The following DEK variants were observed in gnomAD, a reference collection of about 807,000 sequenced individuals.
The protein encoded by DEK is DEK proto-oncogene.
A neutral mutation model predicts 46.8 loss-of-function variants in DEK; 28 were observed. The ratio of observed to expected loss-of-function variants is 0.60; its 90% CI spans 0.44 to 0.82. The LOEUF (loss-of-function observed/expected upper bound fraction) is 0.82. Among genes scored for constraint, DEK ranks in the 40% least tolerant of loss-of-function variants. DEK has a pLI of 0.00. For missense variants in DEK, 416 were observed against 430.6 expected (o/e 0.97, Z 0.30); for synonymous variants, 160 against 144.5 (o/e 1.11, Z -0.77).
chr6:18,236,143 T>G (rs1790636973), intron 9 of DEK, among the ~76,000 whole-genome samples: 1 of 152,170 alleles, frequency 6.6e-6, no homozygotes, highest in African/African-American at 2.4e-5. Context: ...TAACATAAAC[T>G]AAGGATACAT....
chr6:18,258,008 T>C lies in DEK; in HGVS notation c.302A>G (p.Lys101Arg). The change falls in exon 4 of 11, where the codon AAG becomes AGG. Residue 101 changes from lysine (K) to arginine (R), a missense_variant. Transcript: ENST00000652689. The part of the protein sequence containing the change: ...IERIHFFLSK[K>R]KTDELRNLHK... ...TAGATTTCTAAGTTCATCGGTTTTC[T>C]TCTTACTTAGAAAAAAATGTATCCT... 1 of 1,612,120 alleles carries C rather than the reference T, an allele frequency of 6.2e-7. No individual in the cohort carries two copies. Among genetic ancestry groups the C allele is most frequent in the Admixed American group, 1.7e-5 (1 of 59,764 alleles).
In DEK at chr6:18,258,000, C is replaced by T. The variant is rs1791675439; in HGVS notation, c.310G>A (p.Asp104Asn). The change falls in exon 4 of 11, where the codon GAT becomes AAT. Residue 104 changes from aspartate to asparagine, a missense_variant. Asp to Asn is a conservative substitution (Grantham distance 23). Transcript: ENST00000652689. The part of the protein sequence containing the change: ...IHFFLSKKKT[D>N]ELRNLHKLLY... ...AGTTTGTGTAGATTTCTAAGTTCAT[C>T]GGTTTTCTTCTTACTTAGAAAAAAA... The T allele has an allele frequency of 6.2e-7, 1 of 1,611,668 alleles. No homozygotes were observed. Among genetic ancestry groups the T allele is most frequent in the Non-Finnish European group, 8.5e-7 (1 of 1,179,224 alleles).
At chr6:18,258,225 G>T in intron 3 of DEK, 79 bp downstream of exon 3, 1 of 1,273,436 alleles carries the variant, frequency 7.9e-7, no homozygotes, top group South Asian at 1.3e-5. Context: ...CTACCTTGCT[G>T]ATACTAAGCT....
intron 4 of DEK, 55 bp from the exon 5 acceptor site, chr6:18,256,510 A>G (rs1791604188): frequency 6.9e-7 from 1 of 1,447,264 alleles, no homozygotes. Context: ...GTACACAAGA[A>G]TAAATTCAAA....
At chr6:18,259,430 A>AAAAAAAAATAAAT (rs1554162685) in intron 2 of DEK, among the ~76,000 whole-genome samples, 7 of 96,844 alleles carry the variant, frequency 7.2e-5, no homozygotes, top group Non-Finnish European at 1.4e-4. Flanking sequence ...AAAAAAAAAA[A>AAAAAAAAATAAAT]AAATCTAGAA....
In DEK at chr6:18,225,381, G is replaced by A. The variant is rs915592834; in HGVS notation, c.*338C>T. On this transcript the variant is annotated 3_prime_UTR_variant, in exon 11 of 11. Transcript: ENST00000652689. ...TAGTTTTTGTTCTACTTGATTAAAA[G>A]TATGCCTTAAGCAAGCTAATATTAA... 3 of 278,110 alleles carry A rather than the reference G, an allele frequency of 1.1e-5. No individual in the cohort carries two copies. The highest frequency in any genetic ancestry group is 2.2e-5 in the African/African-American group (1 of 46,428). 17.2% of individuals were successfully genotyped at this position (278,110 alleles called of 1,614,324 possible).
chr6:18,263,577 C>T (rs925712536), intron 2 of DEK, among the ~76,000 whole-genome samples: 10 of 152,072 alleles, frequency 6.6e-5, no homozygotes, highest in Non-Finnish European at 1.2e-4. Context: ...GAAATGTTAA[C>T]GAACGTTTAG....
At chr6:18,258,172 T>C in intron 3 of DEK, 110 bp from the exon 4 acceptor site, 1 of 1,094,656 alleles carries the variant, frequency 9.1e-7, no homozygotes, top group Non-Finnish European at 1.3e-6. Context: ...AACTCTGCTC[T>C]TACAGAGCAA....
chr6:18,251,605 C>A (rs189583275), intron 6 of DEK, among the ~76,000 whole-genome samples: 65 of 152,334 alleles, frequency 4.3e-4, no homozygotes, highest in African/African-American at 1.3e-3. Context: ...TGAATGCATA[C>A]ACATATCCTT....
chr6:18,255,576 T>A (rs1791563056), intron 6 of DEK, among the ~76,000 whole-genome samples, 155 bp downstream of exon 6: 1 of 152,234 alleles, frequency 6.6e-6, no homozygotes, highest in African/African-American at 2.4e-5. Context: ...ATTATTTCTA[T>A]CAGGAAATTA....
intron 9 of DEK, among the ~76,000 whole-genome samples, chr6:18,232,520 A>G (rs1453189818): frequency 6.6e-6 from 1 of 152,330 alleles, no homozygotes; most frequent in East Asian, 1.9e-4. Context: ...GCAAAGTCTC[A>G]GGATACAAAA....
intron 9 of DEK, among the ~76,000 whole-genome samples, 170 bp from the exon 10 acceptor site, chr6:18,226,412 T>C (rs1354029685): frequency 2.0e-5 from 3 of 152,206 alleles, no homozygotes. Flanking sequence ...TTTAATAATA[T>C]TGTATATGAT....
chr6:18,261,456 C>T (rs1561994496), intron 2 of DEK, among the ~76,000 whole-genome samples: 1 of 152,178 alleles, frequency 6.6e-6, no homozygotes, highest in Non-Finnish European at 1.5e-5. Flanking sequence ...CCTGTAATCC[C>T]AGCTACTCGA....
At position 18,264,468 on chromosome 6, in the gene DEK, G is replaced by A. The variant is rs1792028724; in HGVS notation, c.-93C>T. On this transcript the variant is annotated 5_prime_UTR_variant, in exon 1 of 11. Transcript: ENST00000652689. ...GGCGGCGGCCGACGCCGAGGAGAAGGCGCGCGGGCCGCTGTCTGGCGTGAC... is the reference window on the plus strand; with the variant it reads ...GGCGGCGGCCGACGCCGAGGAGAAGACGCGCGGGCCGCTGTCTGGCGTGAC... 3.5e-6 allele frequency: 1 copy of A among 284,000 alleles called. No homozygotes were observed. Among genetic ancestry groups the A allele is most frequent in the South Asian group, 3.0e-5 (1 of 33,296 alleles). The allele number at this position is 284,000 out of a possible 1,614,324, so 17.6% of individuals were successfully genotyped here. A position where few individuals can be genotyped will look rare whatever the true frequency, so the allele number is the denominator to read the frequency against.
At chr6:18,227,187 T>A (rs1790173447) in intron 9 of DEK, among the ~76,000 whole-genome samples, 2 of 152,012 alleles carry the variant, frequency 1.3e-5, no homozygotes, top group Admixed American at 6.6e-5. Context: ...AGGGTTAGTA[T>A]AAGAGGAAGG....
At chr6:18,254,867 A>G (rs918846155) in intron 6 of DEK, among the ~76,000 whole-genome samples, 1 of 151,960 alleles carries the variant, frequency 6.6e-6, no homozygotes, top group African/African-American at 2.4e-5. Flanking sequence ...ACAAAAGTTT[A>G]CACTTTAACT....
At chr6:18,264,127 A>C (rs1792002343) in intron 1 of DEK, 131 bp from the exon 2 acceptor site, 4 of 769,146 alleles carry the variant, frequency 5.2e-6, no homozygotes, top group Admixed American at 3.8e-5. Flanking sequence ...CATAGCCGGG[A>C]CCGCAGCGCT....
rs1312278047 is a variant in DEK at position 18,254,204 on chromosome 6, G to A, written c.573+1527C>T. 3.9e-5 allele frequency among the ~76,000 whole-genome samples: 6 copies of A among 152,010 alleles called. No homozygotes were observed. The East Asian group carries it at 9.8e-4, about 25-fold the overall frequency. On this transcript the variant is annotated intron_variant, in intron 6 of 10. Coordinates refer to ENST00000652689, the MANE Select transcript of DEK (RefSeq NM_003472.4). The stretch of plus-strand genomic sequence containing the variant: ...AAATTAGCCAGGTATGGTGGCACAC[G>A]CCTATAATCCCAGCTACTGTAGAGA...
intron 2 of DEK, among the ~76,000 whole-genome samples, chr6:18,259,417 A>T (rs1270252953): frequency 6.9e-6 from 1 of 145,760 alleles, no homozygotes; most frequent in Non-Finnish European, 1.5e-5. Flanking sequence ...AAAAAAAAAA[A>T]AAAAAAAAAA....
Sources: gnomAD v4.1 joint callset for allele counts (sites outside exome capture counted in the v4.1 genomes callset) on GRCh38, gnomAD v4.1.1 for gene constraint, MANE v1.5 for transcripts, NCBI Gene and HGNC (gene_info 2026-07-23, HGNC 2026-07-21) for gene names.